The following NOL4L variants were observed in gnomAD, a reference collection of about 807,000 sequenced individuals.
NOL4L encodes nucleolar protein 4-like.
In NOL4L, 7 loss-of-function variants were observed where a neutral mutation model predicts 64.5. The observed-to-expected ratio is 0.11, with a 90% CI of 0.06 to 0.20. The LOEUF is 0.20. Among genes scored for constraint, NOL4L ranks in the 10% least tolerant of loss-of-function variants. The pLI, the probability that NOL4L is intolerant of heterozygous loss-of-function variation, is 1.00. For missense variants in NOL4L, 680 were observed against 967.1 expected, an observed-to-expected ratio of 0.70 and a Z score of 3.94; for synonymous variants, 413 against 401.0, an observed-to-expected ratio of 1.03 and a Z score of -0.36.
At chr20:32,573,448 G>A (rs765223052) in intron 1 of NOL4L, among the ~76,000 whole-genome samples, 19 of 152,058 alleles carry the variant, frequency 1.2e-4, no homozygotes, top group Non-Finnish European at 2.4e-4. Context: ...CCCACTCGGT[G>A]GCACTGCTTC....
Position 32,444,519 on chromosome 20 carries a change from T to TC in NOL4L, c.*3076dup, listed in dbSNP as rs2012249737. 1 of 152,178 alleles carries TC rather than the reference T, an allele frequency of 6.6e-6. No individual in the cohort carries two copies. The allele number at this position is 152,178 out of a possible 1,614,324, so 9.4% of individuals were successfully genotyped here. A position where few individuals can be genotyped will look rare whatever the true frequency, so the allele number is the denominator to read the frequency against. ...GAAAACCCTCCTAACTCCCTGCCTGTCCCCCTCCCCGTCAGCACTGTCCTT... is the reference window on the plus strand; with the variant it reads ...GAAAACCCTCCTAACTCCCTGCCTGTCCCCCCTCCCCGTCAGCACTGTCCTT... On this transcript the variant is annotated 3_prime_UTR_variant, in exon 11 of 11. Transcript: ENST00000621426.
intron 5 of NOL4L, among the ~76,000 whole-genome samples, chr20:32,462,463 A>G (rs1275333886): frequency 6.6e-6 from 1 of 152,160 alleles, no homozygotes; most frequent in African/African-American, 2.4e-5. Flanking sequence ...TGCCCACAGA[A>G]GGGGCTGGCT....
intron 1 of NOL4L, among the ~76,000 whole-genome samples, chr20:32,542,363 A>AT (rs980636686): frequency 5.3e-5 from 8 of 151,982 alleles, no homozygotes; most frequent in African/African-American, 1.9e-4. Context: ...TTTTAAAAAA[A>AT]TTTTTTTTGA....
rs534990022 is a variant in NOL4L, at chr20:32,475,997, G to A, written c.700-1255C>T. 3.3e-5 allele frequency among the ~76,000 whole-genome samples: 5 copies of A among 152,184 alleles called. No individual in the cohort carries two copies. In the South Asian group the frequency reaches 1.0e-3, roughly 32 times the overall value. ...CTGCTGAATCCAGAGGACAGGAGCT[G>A]GGCTGTGACGCCTGTAGTCCCCACG... On this transcript the variant is annotated intron_variant, in intron 4 of 10. Coordinates refer to ENST00000621426, the MANE Select transcript of NOL4L (RefSeq NM_001256798.2).
chr20:32,464,589 C>T lies in NOL4L; in HGVS notation c.842-8194G>A, dbSNP rs6119249. ...ACCCCCACAGCATGCGCCTCCTCTG[C>T]GTGTGCCCCTCAGTGCCCGGGCAGT... On this transcript the variant is annotated intron_variant, in intron 5 of 10. Coordinates refer to ENST00000621426, the MANE Select transcript of NOL4L (RefSeq NM_001256798.2). The surrounding 1 kb of genome is among the most constrained non-coding windows in gnomAD (Gnocchi z 5.6). Among the ~76,000 whole-genome samples, 3,217 of 152,320 alleles carry T rather than the reference C, an allele frequency of 0.021. 37 individuals carry two copies. The highest frequency in any genetic ancestry group is 0.035 in the African/African-American group (1,437 of 41,576).
At chr20:32,584,047 G>A (rs1600899090) in intron 1 of NOL4L, among the ~76,000 whole-genome samples, 1 of 144,666 alleles carries the variant, frequency 6.9e-6, no homozygotes, top group South Asian at 2.2e-4. Flanking sequence ...CTCCCCTGGC[G>A]CTGGGAGGCC....
intron 2 of NOL4L, among the ~76,000 whole-genome samples, chr20:32,522,775 G>A (rs577923931): frequency 6.6e-6 from 1 of 152,340 alleles, no homozygotes; most frequent in East Asian, 1.9e-4. Flanking sequence ...GACTTGGGCC[G>A]ACAGATGCCC....
rs1310289059 is a variant in NOL4L at position 32,585,292 on chromosome 20, C to A, written c.-402G>T. Among the ~76,000 whole-genome samples the A allele has an allele frequency of 6.7e-6, 1 of 149,114 alleles. No individual in the cohort carries two copies. The highest frequency in any genetic ancestry group is 2.4e-5 in the African/African-American group (1 of 41,226). On this transcript the variant is annotated 5_prime_UTR_variant, in exon 1 of 11. Transcript: ENST00000621426. ...GAGCGAGACCGAGCCTGGGCGCGGG[C>A]GGCAGCAGTGGCTGTCAGCTTGCGC... is the stretch of plus-strand genomic sequence containing the variant.
intron 1 of NOL4L, among the ~76,000 whole-genome samples, chr20:32,576,480 G>A (rs1980113341): frequency 1.3e-5 from 2 of 152,192 alleles, no homozygotes; most frequent in South Asian, 2.1e-4. Context: ...GAAGGGCAGC[G>A]AGGAAGTGAA....
intron 5 of NOL4L, among the ~76,000 whole-genome samples, chr20:32,473,531 C>G (rs1419350250): frequency 1.3e-5 from 2 of 152,204 alleles, no homozygotes; most frequent in Non-Finnish European, 2.9e-5. Flanking sequence ...GCTCCCCAGC[C>G]CCTGGCCCAG....
At chr20:32,555,348 A>C (rs1322368021) in intron 1 of NOL4L, among the ~76,000 whole-genome samples, 1 of 152,032 alleles carries the variant, frequency 6.6e-6, no homozygotes, top group Non-Finnish European at 1.5e-5. Context: ...GTTTTGCTCT[A>C]TTGCACAGGC....
At chr20:32,536,218 A>G in intron 1 of NOL4L, 2 of 985,504 alleles carry the variant, frequency 2.0e-6, no homozygotes. Flanking sequence ...GCAGCCTAGG[A>G]CAGGGAATCG....
intron 2 of NOL4L, among the ~76,000 whole-genome samples, chr20:32,524,967 G>A (rs1232732277): frequency 6.6e-6 from 1 of 152,254 alleles, no homozygotes; most frequent in African/African-American, 2.4e-5. Flanking sequence ...CGGCAGGAGG[G>A]CCCTGGCCTG....
chr20:32,520,549 C>A (rs7272566), intron 3 of NOL4L, among the ~76,000 whole-genome samples: 1 of 152,050 alleles, frequency 6.6e-6, no homozygotes, highest in South Asian at 2.1e-4. Flanking sequence ...AGGGGCTGGC[C>A]GGGGCCTTGC....
At position 32,460,360 on chromosome 20, in the gene NOL4L, C is replaced by T. The variant is rs144474303; in HGVS notation, c.842-3965G>A. Among the ~76,000 whole-genome samples the T allele has an allele frequency of 2.2e-3, 342 of 152,302 alleles. No individual in the cohort carries two copies. Among genetic ancestry groups the T allele is most frequent in the African/African-American group, 7.9e-3 (327 of 41,548 alleles). On this transcript the variant is annotated intron_variant, in intron 5 of 10. Coordinates refer to ENST00000621426, the MANE Select transcript of NOL4L (RefSeq NM_001256798.2). The surrounding 1 kb of genome is among the most constrained non-coding windows in gnomAD (Gnocchi z 5.7). ...GCCTTCCCCAGTGACACCAAGGTCT[C>T]GCCTACCCCCAGCTCCGCTCAGGCA...
At chr20:32,488,864 T>C (rs1007981670) in intron 4 of NOL4L, among the ~76,000 whole-genome samples, 12 of 103,066 alleles carry the variant, frequency 1.2e-4, no homozygotes, top group African/African-American at 6.5e-4. Context: ...TCTTTCTTTC[T>C]TTCTTTCTTT....
chr20:32,453,667 T>C lies in NOL4L; in HGVS notation c.1214A>G (p.Asp405Gly). The C allele has an allele frequency of 6.3e-7, 1 of 1,576,656 alleles. No homozygotes were observed. Among genetic ancestry groups the C allele is most frequent in the South Asian group, 1.1e-5 (1 of 87,274 alleles). ...GTCATCGTGGTCATCGTCGTCATCA[T>C]CTGCCGTCGGGGCCCGGCCCACTGT... ...DLTVGRAPTA[D>G]DDDDDHDDHE... The change falls in exon 7 of 11, where the codon GAT becomes GGT. Residue 405 changes from aspartate (D) to glycine (G), a missense_variant. By Grantham distance (94) the Asp-to-Gly change is moderately conservative. Coordinates refer to ENST00000621426, the MANE Select transcript of NOL4L (RefSeq NM_001256798.2). This position sits in a 1 kb window ranked among gnomAD's most constrained non-coding sequence, Gnocchi z 5.6.
In NOL4L at chr20:32,578,565, C is replaced by T. The variant is rs74540787; in HGVS notation, c.321+6005G>A. On this transcript the variant is annotated intron_variant, in intron 1 of 10. Transcript: ENST00000621426. ...CATGCCTGAGTTTTTTAAAATTTTG[C>T]ATACAGACGGGGTCTCACCATGTCC... Among the ~76,000 whole-genome samples, 1,274 of 152,274 alleles carry T rather than the reference C, an allele frequency of 8.4e-3. 23 individuals carry two copies. The highest frequency in any genetic ancestry group is 0.029 in the African/African-American group (1,207 of 41,550).
intron 1 of NOL4L, among the ~76,000 whole-genome samples, chr20:32,552,477 A>C (rs1978365461): frequency 6.6e-6 from 1 of 152,202 alleles, no homozygotes; most frequent in Non-Finnish European, 1.5e-5. Context: ...ACCTGAGGTC[A>C]GGGGTTCAAG....
Sources: gnomAD v4.1 joint callset for allele counts (sites outside exome capture counted in the v4.1 genomes callset) on GRCh38, gnomAD v4.1.1 for gene constraint, Gnocchi (gnomAD v3.1) non-coding constraint, MANE v1.5 for transcripts, NCBI Gene and HGNC (gene_info 2026-07-23, HGNC 2026-07-21) for gene names.